The following FBXO21 variants were observed in gnomAD, a reference collection of about 807,000 sequenced individuals.
FBXO21 encodes the protein F-box protein 21.
In FBXO21, 32 loss-of-function variants were observed where a neutral mutation model predicts 76.6. That is an observed-to-expected ratio of 0.42 (90% confidence interval 0.32 to 0.56). FBXO21 has a LOEUF of 0.56. FBXO21 is among the 20% of genes least tolerant of loss of function. FBXO21 has a pLI of 0.16. For missense variants in FBXO21, 586 were observed against 797.3 expected (o/e 0.73, Z 3.19); for synonymous variants, 328 against 311.5 (o/e 1.05, Z -0.56).
chr12:117,176,823 T>C (rs1021816453), intron 4 of FBXO21, among the ~76,000 whole-genome samples: 9 of 151,840 alleles, frequency 5.9e-5, no homozygotes, highest in African/African-American at 1.2e-4. Context: ...AACATGACTA[T>C]GAGATACACT....
rs527438687 is a variant in FBXO21 at position 117,168,456 on chromosome 12, G to A, written c.1014-1379C>T. 3.2e-4 allele frequency among the ~76,000 whole-genome samples: 48 copies of A among 152,028 alleles called. 1 individual carries two copies. Among genetic ancestry groups the A allele is most frequent in the Middle Eastern group, 6.8e-3 (2 of 294 alleles). ...GGAGAATCACTTGAACCCAGGAAGC[G>A]GAGGTTGCAGTGAGTCAAGATCGCA... On this transcript the variant is annotated intron_variant, in intron 7 of 11. Transcript: ENST00000622495.
At chr12:117,174,146 A>G (rs1402307049) in intron 6 of FBXO21, 59 bp downstream of exon 6, 1 of 1,377,042 alleles carries the variant, frequency 7.3e-7, no homozygotes, top group South Asian at 1.2e-5. Flanking sequence ...CTAAAAACAG[A>G]AAAAAAAAGT....
chr12:117,157,122 C>G (rs1003233993), intron 10 of FBXO21, among the ~76,000 whole-genome samples: 2 of 150,502 alleles, frequency 1.3e-5, no homozygotes, highest in Non-Finnish European at 2.9e-5. Flanking sequence ...GCAGAGGTTG[C>G]AGGTGAGCTG....
intron 7 of FBXO21, among the ~76,000 whole-genome samples, chr12:117,170,659 G>T (rs1256212508): frequency 1.3e-5 from 2 of 152,136 alleles, no homozygotes; most frequent in East Asian, 3.9e-4. Flanking sequence ...ATGTCTAGGG[G>T]GTATTAAATT....
At position 117,177,423 on chromosome 12, in the gene FBXO21, C is replaced by T. The variant is rs1956186911; in HGVS notation, c.592+97G>A. ...CGCAACATGATTTGCTTTTTCACTT[C>T]TTTACCACAAGGAACACAATTCCCT... On this transcript the variant is annotated intron_variant, in intron 4 of 11. Coordinates refer to ENST00000622495, the MANE Select transcript of FBXO21 (RefSeq NM_015002.3). 3 of 1,327,226 alleles carry T rather than the reference C, an allele frequency of 2.3e-6. No individual in the cohort carries two copies. In the South Asian group the frequency reaches 4.7e-5, roughly 21 times the overall value. The allele number at this position is 1,327,226 out of a possible 1,614,324, so 82.2% of individuals were successfully genotyped here.
chr12:117,189,517 C>T (rs1333060770), intron 1 of FBXO21, among the ~76,000 whole-genome samples, 155 bp from the exon 2 acceptor site: 2 of 152,094 alleles, frequency 1.3e-5, no homozygotes, highest in Non-Finnish European at 2.9e-5. Flanking sequence ...AGCATTCACT[C>T]ACTCACTCCC....
At chr12:117,171,463 A>G (rs189538909) in intron 7 of FBXO21, among the ~76,000 whole-genome samples, 2 of 152,200 alleles carry the variant, frequency 1.3e-5, no homozygotes, top group East Asian at 1.9e-4. Flanking sequence ...GGCTTCAACT[A>G]AATAGGTAAT....
intron 11 of FBXO21, among the ~76,000 whole-genome samples, chr12:117,150,959 TGTG>T (rs779900773): frequency 0.03 from 1,165 of 38,866 alleles, 18 homozygotes; most frequent in Middle Eastern, 0.048. Context: ...AATAAGTTTG[TGTG>T]TGTGTGTGTG....
chr12:117,153,708 G>A (rs1251676476), intron 11 of FBXO21, among the ~76,000 whole-genome samples: 1 of 152,220 alleles, frequency 6.6e-6, no homozygotes, highest in Non-Finnish European at 1.5e-5. Flanking sequence ...CTGACACAGC[G>A]CTGATGGAGC....
chr12:117,156,098 C>T (rs1955912846), intron 10 of FBXO21, 150 bp from the exon 11 acceptor site: 5 of 642,704 alleles, frequency 7.8e-6, no homozygotes, highest in Non-Finnish European at 2.7e-6. Flanking sequence ...CTTTTATAAA[C>T]ACCTCTTATT....
chr12:117,184,943 C>T (rs1372007150), intron 3 of FBXO21, among the ~76,000 whole-genome samples: 4 of 152,102 alleles, frequency 2.6e-5, no homozygotes, highest in African/African-American at 9.7e-5. Context: ...TTCCCATACT[C>T]ATCACTGTCA....
Position 117,151,981 on chromosome 12 carries a change from C to T in FBXO21, c.1675+3810G>A, listed in dbSNP as rs1441051145. Among the ~76,000 whole-genome samples the T allele has an allele frequency of 3.3e-5, 5 of 151,710 alleles. No individual in the cohort carries two copies. In the Admixed American group the frequency reaches 3.3e-4, roughly 10 times the overall value. Reference sequence around the variant, plus strand: ...TTGAAATAGTGAGTCACTATCTTAGCCAAGTGACCAAACTCAGTATCACTC... The same window carrying T: ...TTGAAATAGTGAGTCACTATCTTAGTCAAGTGACCAAACTCAGTATCACTC... On this transcript the variant is annotated intron_variant, in intron 11 of 11. Coordinates refer to ENST00000622495, the MANE Select transcript of FBXO21 (RefSeq NM_015002.3).
At chr12:117,151,729 G>A (rs370300149) in intron 11 of FBXO21, among the ~76,000 whole-genome samples, 2 of 152,282 alleles carry the variant, frequency 1.3e-5, no homozygotes, top group East Asian at 3.9e-4. Flanking sequence ...GCAGAGACAA[G>A]GGCAGGGGAG....
At chr12:117,189,141 G>C (rs568462756) in intron 2 of FBXO21, 86 bp downstream of exon 2, 4 of 1,501,698 alleles carry the variant, frequency 2.7e-6, no homozygotes, top group Non-Finnish European at 2.8e-6. Flanking sequence ...AGGGAGATAC[G>C]AAAAGAGCTG....
intron 4 of FBXO21, among the ~76,000 whole-genome samples, chr12:117,177,079 A>G (rs1343290895): frequency 6.6e-6 from 1 of 152,152 alleles, no homozygotes; most frequent in African/African-American, 2.4e-5. Context: ...CTCACCTTTC[A>G]TTACGGACAA....
At chr12:117,151,807 A>G (rs1395945501) in intron 11 of FBXO21, among the ~76,000 whole-genome samples, 1 of 152,186 alleles carries the variant, frequency 6.6e-6, no homozygotes, top group Admixed American at 6.5e-5. Context: ...AGTAGAGAGA[A>G]TAACAGTGGT....
intron 4 of FBXO21, among the ~76,000 whole-genome samples, chr12:117,175,224 A>G (rs1421558523): frequency 6.6e-6 from 1 of 152,000 alleles, no homozygotes; most frequent in Non-Finnish European, 1.5e-5. Context: ...AAAAAAAAAC[A>G]ACTTGAAAGC....
intron 9 of FBXO21, among the ~76,000 whole-genome samples, chr12:117,163,088 G>A (rs1379410229): frequency 1.3e-5 from 2 of 152,184 alleles, no homozygotes; most frequent in East Asian, 3.8e-4. Context: ...ACATGCGCTG[G>A]CAATGAGCCA....
intron 4 of FBXO21, among the ~76,000 whole-genome samples, chr12:117,175,646 G>A (rs998495774): frequency 6.6e-5 from 10 of 152,136 alleles, no homozygotes; most frequent in African/African-American, 2.4e-4. Context: ...GGCCTCCGAG[G>A]GCCCCAGCTT....
Sources: gnomAD v4.1 joint callset for allele counts (sites outside exome capture counted in the v4.1 genomes callset) on GRCh38, gnomAD v4.1.1 for gene constraint, MANE v1.5 for transcripts, NCBI Gene and HGNC (gene_info 2026-07-23, HGNC 2026-07-21) for gene names.